The following CTNND2 variants were observed in gnomAD, a reference collection of about 807,000 sequenced individuals.
CTNND2 encodes catenin delta 2.
Under a neutral mutation model 144.4 loss-of-function variants are expected in CTNND2, and 22 were observed. That is an observed-to-expected ratio of 0.15 (90% confidence interval 0.11 to 0.22). The LOEUF is 0.22. Among genes scored for constraint, CTNND2 ranks in the 10% least tolerant of loss-of-function variants. The pLI is 1.00. For missense variants in CTNND2, 1,353 were observed against 1,618.8 expected (o/e 0.84, Z 2.82); for synonymous variants, 751 against 695.6 (o/e 1.08, Z -1.25).
At chr5:11,815,436 C>T (rs996816387) in intron 1 of CTNND2, among the ~76,000 whole-genome samples, 1 of 152,142 alleles carries the variant, frequency 6.6e-6, no homozygotes, top group African/African-American at 2.4e-5. Context: ...CAATTGGCAG[C>T]TATTAATGAA....
chr5:11,018,140 C>T, intron 17 of CTNND2, 82 bp from the exon 18 acceptor site: 1 of 896,560 alleles, frequency 1.1e-6, no homozygotes, highest in Non-Finnish European at 1.9e-6. Flanking sequence ...TATTTCAAAC[C>T]TCTTCATTAT....
intron 1 of CTNND2, among the ~76,000 whole-genome samples, chr5:11,811,245 A>G (rs1792316467): frequency 6.6e-6 from 1 of 152,154 alleles, no homozygotes; most frequent in Non-Finnish European, 1.5e-5. Context: ...ACCACCATAC[A>G]GCTTAATGGA....
At chr5:11,134,818 TG>T (rs1279840355) in intron 12 of CTNND2, among the ~76,000 whole-genome samples, 1 of 152,238 alleles carries the variant, frequency 6.6e-6, no homozygotes, top group Non-Finnish European at 1.5e-5. Flanking sequence ...TGTAGGATAA[TG>T]GCACCACTGG....
chr5:11,381,792 C>A (rs1405231979), intron 7 of CTNND2, among the ~76,000 whole-genome samples: 1 of 152,006 alleles, frequency 6.6e-6, no homozygotes. Context: ...ACGGTGAAAC[C>A]CCGTCTCTAC....
At chr5:11,708,813 T>TTTTGTCAACAAA in intron 2 of CTNND2, among the ~76,000 whole-genome samples, 1 of 152,134 alleles carries the variant, frequency 6.6e-6, no homozygotes, top group African/African-American at 2.4e-5. Context: ...AAGAGTACCC[T>TTTTGTCAACAAA]CCTTCCCTTT....
At chr5:11,718,960 A>T (rs1338233464) in intron 2 of CTNND2, among the ~76,000 whole-genome samples, 1 of 152,230 alleles carries the variant, frequency 6.6e-6, no homozygotes, top group Admixed American at 6.5e-5. Flanking sequence ...GGCAAAGAGT[A>T]ATTCATCAAG....
intron 3 of CTNND2, among the ~76,000 whole-genome samples, chr5:11,485,370 T>TGC (rs1768706744): frequency 7.9e-6 from 1 of 126,496 alleles, no homozygotes; most frequent in Admixed American, 8.0e-5. Flanking sequence ...TGTGTGTGTG[T>TGC]GTGTGCGCGC....
intron 16 of CTNND2, among the ~76,000 whole-genome samples, chr5:11,054,557 G>T (rs544068890): frequency 1.8e-4 from 28 of 152,232 alleles, no homozygotes; most frequent in African/African-American, 6.5e-4. Flanking sequence ...GATCCCCTCA[G>T]CTGCTCCCGC....
chr5:11,861,530 C>T (rs900977148), intron 1 of CTNND2, among the ~76,000 whole-genome samples: 2 of 152,200 alleles, frequency 1.3e-5, no homozygotes, highest in African/African-American at 4.8e-5. Context: ...CCTCTCTCGC[C>T]ATCTCTCCTC....
chr5:11,015,379 G>A (rs1367894901), intron 18 of CTNND2, among the ~76,000 whole-genome samples: 2 of 152,184 alleles, frequency 1.3e-5, no homozygotes, highest in East Asian at 3.8e-4. Context: ...ATTAAGAACA[G>A]CTCTTTCTCG....
intron 21 of CTNND2, among the ~76,000 whole-genome samples, chr5:10,976,503 C>T (rs761081674): frequency 8.5e-5 from 13 of 152,146 alleles, no homozygotes; most frequent in African/African-American, 3.1e-4. Context: ...TACGCAAGCC[C>T]GAAGCTTTTG....
chr5:11,550,914 A>G (rs1775699804), intron 3 of CTNND2, among the ~76,000 whole-genome samples: 2 of 152,170 alleles, frequency 1.3e-5, no homozygotes, highest in African/African-American at 4.8e-5. Flanking sequence ...TAGCTTCCCA[A>G]TCCTGCCCTG....
intron 9 of CTNND2, among the ~76,000 whole-genome samples, chr5:11,242,907 T>C (rs1295803996): frequency 6.6e-6 from 1 of 152,142 alleles, no homozygotes; most frequent in East Asian, 1.9e-4. Context: ...ACCACCTATT[T>C]TACTGCATTT....
At chr5:11,623,173 C>T (rs778930643) in intron 2 of CTNND2, among the ~76,000 whole-genome samples, 6 of 152,078 alleles carry the variant, frequency 3.9e-5, no homozygotes, top group Admixed American at 6.5e-5. Flanking sequence ...AATATCAAAT[C>T]GGTAGAAGTG....
chr5:11,757,416 T>C (rs994090624), intron 1 of CTNND2, among the ~76,000 whole-genome samples: 6 of 151,862 alleles, frequency 4.0e-5, no homozygotes, highest in Admixed American at 3.9e-4. Context: ...TATGTTGAAA[T>C]CAGGATCACT....
intron 7 of CTNND2, among the ~76,000 whole-genome samples, chr5:11,374,775 CTTTTTTTTTTTTTTTTTT>C (rs56327510): frequency 2.0e-5 from 2 of 99,380 alleles, no homozygotes; most frequent in Non-Finnish European, 4.1e-5. Flanking sequence ...TCCCAATCTA[CTTTTTTTTTTTTTTTTTT>C]TTTTTTTTTT....
intron 7 of CTNND2, among the ~76,000 whole-genome samples, chr5:11,379,375 G>A (rs1758260099): frequency 6.6e-6 from 1 of 152,026 alleles, no homozygotes; most frequent in South Asian, 2.1e-4. Flanking sequence ...GAGATTCTGG[G>A]GTCAAAGCGA....
chr5:11,291,255 C>CT (rs1376103657), intron 9 of CTNND2, among the ~76,000 whole-genome samples: 3 of 151,948 alleles, frequency 2.0e-5, no homozygotes, highest in East Asian at 1.9e-4. Context: ...CTTTTCTTTT[C>CT]TTTTTTTTCA....
At chr5:11,364,000 G>A (rs538999301) in intron 8 of CTNND2, among the ~76,000 whole-genome samples, 45 of 152,316 alleles carry the variant, frequency 3.0e-4, no homozygotes, top group African/African-American at 9.1e-4. Flanking sequence ...TATCGATTTT[G>A]GAGTTAAGAT....
Sources: gnomAD v4.1 joint callset for allele counts (sites outside exome capture counted in the v4.1 genomes callset) on GRCh38, gnomAD v4.1.1 for gene constraint, MANE v1.5 for transcripts, NCBI Gene and HGNC (gene_info 2026-07-23, HGNC 2026-07-21) for gene names.